The following TCERG1L variants were observed in gnomAD, a reference collection of about 807,000 sequenced individuals.
TCERG1L encodes the protein transcription elongation regulator 1-like protein.
Under a neutral mutation model 56.3 loss-of-function variants are expected in TCERG1L, and 37 were observed. The observed-to-expected ratio is 0.66, with a 90% CI of 0.51 to 0.87. The LOEUF (loss-of-function observed/expected upper bound fraction) is 0.87, where lower values mean the gene tolerates loss of function less well. Among genes scored for constraint, TCERG1L ranks in the 40% least tolerant of loss-of-function variants. TCERG1L has a pLI of 0.00. For missense variants in TCERG1L, 799 were observed against 774.2 expected (o/e 1.03, Z -0.38); for synonymous variants, 324 against 326.3 (o/e 0.99, Z 0.08).
chr10:131,121,392 G>A (rs970936502), intron 8 of TCERG1L, among the ~76,000 whole-genome samples: 8 of 152,192 alleles, frequency 5.3e-5, no homozygotes, highest in Non-Finnish European at 1.2e-4. Flanking sequence ...CTTCCGACCA[G>A]ATGATCTGAA....
At chr10:131,275,047 A>G (rs1454866557) in intron 3 of TCERG1L, among the ~76,000 whole-genome samples, 1 of 152,102 alleles carries the variant, frequency 6.6e-6, no homozygotes, top group African/African-American at 2.4e-5. Context: ...TCCATACTCA[A>G]AGGTGCCCAC....
intron 10 of TCERG1L, 150 bp from the exon 11 acceptor site, chr10:131,098,574 C>T: frequency 9.8e-7 from 1 of 1,024,488 alleles, no homozygotes; most frequent in Non-Finnish European, 1.4e-6. Context: ...AACAGCCTTT[C>T]AGCATAGCTC....
At chr10:131,146,735 C>T in intron 6 of TCERG1L, 75 bp from the exon 7 acceptor site, 7 of 1,445,606 alleles carry the variant, frequency 4.8e-6, no homozygotes, top group South Asian at 3.2e-5. Context: ...TGAACTCTCA[C>T]TGAAAAAGCC....
At chr10:131,138,873 C>A (rs1475738104) in intron 7 of TCERG1L, among the ~76,000 whole-genome samples, 7 of 152,226 alleles carry the variant, frequency 4.6e-5, no homozygotes, top group African/African-American at 1.7e-4. Context: ...GAAAAAAAAT[C>A]AAGGACAACT....
intron 3 of TCERG1L, among the ~76,000 whole-genome samples, chr10:131,291,401 C>CCTTTTTTTTTTTTT (rs1846622466): frequency 2.7e-5 from 1 of 36,566 alleles, no homozygotes; most frequent in African/African-American, 1.0e-4. Context: ...AACAGCATTT[C>CCTTTTTTTTTTTTT]TTTTTTTTTT....
At chr10:131,184,770 A>G (rs1258355013) in intron 4 of TCERG1L, among the ~76,000 whole-genome samples, 14 of 152,236 alleles carry the variant, frequency 9.2e-5, no homozygotes, top group Admixed American at 8.5e-4. Context: ...AGTGTCCATC[A>G]GCCTCTCGCC....
At chr10:131,098,190 T>C in intron 11 of TCERG1L, 116 bp downstream of exon 11, 1 of 1,127,542 alleles carries the variant, frequency 8.9e-7, no homozygotes, top group Non-Finnish European at 1.3e-6. Flanking sequence ...AGCTCACACT[T>C]TCGTGTCTGT....
rs1029920831 is a variant in TCERG1L, at chr10:131,217,348, C to T, written c.856+42911G>A. 3.9e-5 allele frequency among the ~76,000 whole-genome samples: 6 copies of T among 152,226 alleles called. No homozygotes were observed. In the East Asian group the frequency reaches 1.2e-3, roughly 29 times the overall value. On this transcript the variant is annotated intron_variant, in intron 4 of 11. Coordinates refer to ENST00000368642, the MANE Select transcript of TCERG1L (RefSeq NM_174937.4). ...GATTGTAAGTTTCCTGAGGCCTCTG[C>T]AGAACACCAAGCAGATGTGGCCATG...
At chr10:131,291,285 A>G (rs1042776820) in intron 3 of TCERG1L, among the ~76,000 whole-genome samples, 2 of 151,988 alleles carry the variant, frequency 1.3e-5, no homozygotes. Flanking sequence ...TGTAAACTTT[A>G]GAATAATTTT....
chr10:131,132,652 C>G (rs749651402), intron 8 of TCERG1L, among the ~76,000 whole-genome samples: 5 of 152,258 alleles, frequency 3.3e-5, no homozygotes, highest in Non-Finnish European at 5.9e-5. Context: ...ACCAGCTTAG[C>G]TGAGGTCCAC....
At chr10:131,216,915 C>T (rs749136817) in intron 4 of TCERG1L, among the ~76,000 whole-genome samples, 15 of 152,244 alleles carry the variant, frequency 9.9e-5, no homozygotes, top group Middle Eastern at 3.4e-3. Context: ...CCACTGAAAC[C>T]GAGGGTGGCA....
At chr10:131,110,177 G>C (rs985923371) in intron 9 of TCERG1L, among the ~76,000 whole-genome samples, 1 of 152,186 alleles carries the variant, frequency 6.6e-6, no homozygotes, top group East Asian at 1.9e-4. Flanking sequence ...TGACAAGGAC[G>C]TGGTCTGGAG....
At chr10:131,249,856 C>T (rs2133531400) in intron 4 of TCERG1L, among the ~76,000 whole-genome samples, 1 of 152,252 alleles carries the variant, frequency 6.6e-6, no homozygotes, top group East Asian at 1.9e-4. Context: ...CTCCGCCTGG[C>T]AAATAAGAAC....
At chr10:131,303,382 G>GATGA (rs1846787049) in intron 3 of TCERG1L, among the ~76,000 whole-genome samples, 1 of 152,054 alleles carries the variant, frequency 6.6e-6, no homozygotes, top group African/African-American at 2.4e-5. Flanking sequence ...GACCAGTGAT[G>GATGA]ATGAGCTTTT....
At chr10:131,129,694 G>A (rs1048655329) in intron 8 of TCERG1L, among the ~76,000 whole-genome samples, 5 of 152,060 alleles carry the variant, frequency 3.3e-5, no homozygotes, top group Admixed American at 1.3e-4. Context: ...GAAATCACTC[G>A]TCTCCTGGGA....
At chr10:131,148,414 AC>A (rs1296096379) in intron 6 of TCERG1L, among the ~76,000 whole-genome samples, 1 of 151,246 alleles carries the variant, frequency 6.6e-6, no homozygotes, top group East Asian at 2.0e-4. Flanking sequence ...ACAGAGACAC[AC>A]ATGCACACAG....
At chr10:131,309,476 T>C (rs867918664) in intron 1 of TCERG1L, among the ~76,000 whole-genome samples, 177 bp from the exon 2 acceptor site, 5 of 152,238 alleles carry the variant, frequency 3.3e-5, no homozygotes, top group African/African-American at 9.6e-5. Flanking sequence ...GAAAAAATTA[T>C]AGAAGTTTTC....
At chr10:131,219,436 G>A (rs1435896166) in intron 4 of TCERG1L, among the ~76,000 whole-genome samples, 1 of 152,228 alleles carries the variant, frequency 6.6e-6, no homozygotes, top group East Asian at 1.9e-4. Context: ...CCAGGAGCAG[G>A]CTCTGGGGAT....
At chr10:131,151,906 G>T (rs1053476713) in intron 6 of TCERG1L, among the ~76,000 whole-genome samples, 1 of 152,216 alleles carries the variant, frequency 6.6e-6, no homozygotes, top group African/African-American at 2.4e-5. Flanking sequence ...AGCCACCAAG[G>T]CTTGGGGCTT....
Sources: allele counts gnomAD v4.1 joint callset (sites outside exome capture counted in the v4.1 genomes callset), GRCh38; gene constraint gnomAD v4.1.1; transcripts MANE v1.5; gene names NCBI Gene and HGNC (gene_info 2026-07-23, HGNC 2026-07-21).